Variants in THSD4 observed in about 807,000 individuals in gnomAD.
The protein encoded by THSD4 is thrombospondin type-1 domain-containing protein 4.
A neutral mutation model predicts 119.0 loss-of-function variants in THSD4; 69 were observed. The ratio of observed to expected loss-of-function variants is 0.58; its 90% confidence interval spans 0.48 to 0.71. The LOEUF (loss-of-function observed/expected upper bound fraction) is 0.71, where lower values mean the gene tolerates loss of function less well. Ranked by LOEUF, THSD4 falls within the 30% of genes least tolerant of loss-of-function variation. The pLI is 0.00. For missense variants in THSD4, 1,393 were observed against 1,391.1 expected, an observed-to-expected ratio of 1.00 and a Z score of -0.02; for synonymous variants, 524 against 540.4, an observed-to-expected ratio of 0.97 and a Z score of 0.42.
chr15:71,199,842 GCT>G (rs2043777487), intron 3 of THSD4, among the ~76,000 whole-genome samples: 13 of 136,838 alleles, frequency 9.5e-5, no homozygotes, highest in African/African-American at 3.6e-4. Flanking sequence ...GTGTGTGTGT[GCT>G]GTGTGTGATG....
intron 8 of THSD4, among the ~76,000 whole-genome samples, chr15:71,711,867 GTATA>G (rs2052523803): frequency 6.6e-6 from 1 of 152,202 alleles, no homozygotes; most frequent in East Asian, 1.9e-4. Context: ...AGCCATAAAG[GTATA>G]TGCATCTAAA....
At chr15:71,216,034 C>T (rs1306069340) in intron 4 of THSD4, among the ~76,000 whole-genome samples, 1 of 147,720 alleles carries the variant, frequency 6.8e-6, no homozygotes, top group Non-Finnish European at 1.5e-5. Flanking sequence ...CTCTAAGAAG[C>T]ATAAATATGC....
chr15:71,694,334 A>G (rs1425524362), intron 8 of THSD4, among the ~76,000 whole-genome samples: 1 of 152,078 alleles, frequency 6.6e-6, no homozygotes, highest in African/African-American at 2.4e-5. Flanking sequence ...CCTGGTTAGC[A>G]TTTTTCACTT....
intron 7 of THSD4, among the ~76,000 whole-genome samples, chr15:71,467,056 A>G (rs1004279514): frequency 2.0e-5 from 3 of 152,198 alleles, no homozygotes; most frequent in Admixed American, 2.0e-4. Flanking sequence ...AGGAGATCCA[A>G]ACCATTTCCC....
At chr15:71,661,181 G>T (rs2051298742) in intron 8 of THSD4, among the ~76,000 whole-genome samples, 1 of 152,096 alleles carries the variant, frequency 6.6e-6, no homozygotes, top group South Asian at 2.1e-4. Context: ...TGCCTCATCT[G>T]CCTGGGGCAG....
Position 71,737,790 on chromosome 15 carries a change from G to C in THSD4, c.1689G>C (p.Gln563His). 1 of 1,614,214 alleles carries C rather than the reference G, an allele frequency of 6.2e-7. No individual in the cohort carries two copies. The highest frequency in any genetic ancestry group is 8.5e-7 in the Non-Finnish European group (1 of 1,180,006). ...GCAGGAGCCAGGAGGAGGGAGAACAGAAAGGGAGGAACGAGGAGAAGGAAG... is the reference window on the plus strand; with the variant it reads ...GCAGGAGCCAGGAGGAGGGAGAACACAAAGGGAGGAACGAGGAGAAGGAAG... Reference protein sequence around the residue: ...TEGRSQEEGEQKGRNEEKEDL... With the variant: ...TEGRSQEEGEHKGRNEEKEDL... Residue 563 changes from glutamine (Q) to histidine (H), a missense_variant, in exon 11 of 18, where the codon CAG (glutamine) becomes CAC (histidine). Gln to His is a conservative substitution (Grantham distance 24). Coordinates refer to ENST00000261862, the MANE Select transcript of THSD4 (RefSeq NM_024817.3).
At chr15:71,387,295 T>G (rs556250355) in intron 6 of THSD4, among the ~76,000 whole-genome samples, 1 of 152,140 alleles carries the variant, frequency 6.6e-6, no homozygotes, top group Non-Finnish European at 1.5e-5. Context: ...GGGAAACATT[T>G]ACATTATCTG....
intron 7 of THSD4, among the ~76,000 whole-genome samples, chr15:71,572,221 C>T (rs1273405466): frequency 1.3e-5 from 2 of 152,198 alleles, no homozygotes; most frequent in Non-Finnish European, 2.9e-5. Context: ...ATGTGAATTT[C>T]CAGTTGGGTG....
At chr15:71,271,929 G>C (rs2044535483) in intron 6 of THSD4, among the ~76,000 whole-genome samples, 1 of 152,154 alleles carries the variant, frequency 6.6e-6, no homozygotes. Flanking sequence ...AGCAAAAATA[G>C]ACAAATGAGA....
intron 3 of THSD4, among the ~76,000 whole-genome samples, chr15:71,173,159 A>C (rs1040300797): frequency 4.6e-5 from 7 of 152,176 alleles, no homozygotes; most frequent in African/African-American, 1.7e-4. Flanking sequence ...AGAACTAATA[A>C]ATGAATTCAC....
At chr15:71,679,838 G>A (rs2051737391) in intron 8 of THSD4, among the ~76,000 whole-genome samples, 1 of 152,180 alleles carries the variant, frequency 6.6e-6, no homozygotes, top group Admixed American at 6.5e-5. Flanking sequence ...AAAAAGGCCT[G>A]GCCTATAGGA....
intron 1 of THSD4, among the ~76,000 whole-genome samples, chr15:71,103,966 T>C (rs1411205177): frequency 6.6e-6 from 1 of 152,188 alleles, no homozygotes; most frequent in East Asian, 1.9e-4. Context: ...TCACTACTGA[T>C]TTAGTGGGAC....
chr15:71,636,207 G>C (rs2050735949), intron 7 of THSD4, among the ~76,000 whole-genome samples: 1 of 152,066 alleles, frequency 6.6e-6, no homozygotes, highest in African/African-American at 2.4e-5. Context: ...GGATCACTTG[G>C]GGTCAGGCGT....
At chr15:71,402,840 G>T (rs1244371299) in intron 6 of THSD4, among the ~76,000 whole-genome samples, 4 of 152,150 alleles carry the variant, frequency 2.6e-5, no homozygotes, top group African/African-American at 9.7e-5. Flanking sequence ...CATATGCCGT[G>T]ATTATATTTC....
intron 6 of THSD4, among the ~76,000 whole-genome samples, chr15:71,364,714 T>C (rs2045933759): frequency 6.6e-6 from 1 of 152,242 alleles, no homozygotes; most frequent in Admixed American, 6.5e-5. Context: ...TTTTATTTTA[T>C]TTTGTCACCT....
At chr15:71,720,209 C>A (rs1464909031) in intron 8 of THSD4, among the ~76,000 whole-genome samples, 4 of 151,620 alleles carry the variant, frequency 2.6e-5, no homozygotes, top group Non-Finnish European at 5.9e-5. Context: ...TACCACCACT[C>A]CTGGCTAATT....
Position 71,640,980 on chromosome 15 carries a change from GACACAC to G in THSD4, c.1153-19521_1153-19516del, listed in dbSNP as rs10551548. Among the ~76,000 whole-genome samples, 548 of 146,662 alleles carry G rather than the reference GACACAC, an allele frequency of 3.7e-3. 2 individuals are homozygous for G. In the East Asian group the frequency reaches 0.044, roughly 12 times the overall value. On this transcript the variant is annotated intron_variant, in intron 7 of 17. Coordinates refer to ENST00000261862, the MANE Select transcript of THSD4 (RefSeq NM_024817.3). ...ATCTTTCCTTCAAAACCCACCTACA[GACACAC>G]ACACACACACACACACACACACACA...
At chr15:71,486,817 C>T (rs2047830422) in intron 7 of THSD4, among the ~76,000 whole-genome samples, 1 of 152,168 alleles carries the variant, frequency 6.6e-6, no homozygotes, top group African/African-American at 2.4e-5. Context: ...CAGCAGGGTC[C>T]TTTTCCTGGA....
intron 6 of THSD4, among the ~76,000 whole-genome samples, chr15:71,407,985 G>A (rs760763160): frequency 1.3e-5 from 2 of 152,226 alleles, no homozygotes; most frequent in Middle Eastern, 3.4e-3. Flanking sequence ...TTGGAGGCAG[G>A]GAGGACATTC....
Sources: gnomAD v4.1 joint callset for allele counts (sites outside exome capture counted in the v4.1 genomes callset) on GRCh38, gnomAD v4.1.1 for gene constraint, MANE v1.5 for transcripts, NCBI Gene and HGNC (gene_info 2026-07-23, HGNC 2026-07-21) for gene names.